Variants in PUS1 observed in about 807,000 individuals in gnomAD.
The protein encoded by PUS1 is pseudouridylate synthase 1 homolog.
In PUS1, 25 loss-of-function variants were observed where a neutral mutation model predicts 38.5. That is an observed-to-expected ratio of 0.65 (90% CI 0.47 to 0.91). The LOEUF (loss-of-function observed/expected upper bound fraction) is 0.91, where lower values mean the gene tolerates loss of function less well. Ranked by LOEUF, PUS1 falls within the 40% of genes least tolerant of loss-of-function variation. The probability of loss-of-function intolerance (pLI) is 0.00; values close to 1 mark genes in which losing one functional copy is unlikely to be tolerated. For missense variants in PUS1, 597 were observed against 612.3 expected, an observed-to-expected ratio of 0.97 and a Z score of 0.26; for synonymous variants, 282 against 260.4, an observed-to-expected ratio of 1.08 and a Z score of -0.80.
Position 131,939,173 on chromosome 12 carries a change from G to A in PUS1, c.442G>A (p.Gly148Ser), listed in dbSNP as rs1156775010. 1 of 1,554,986 alleles carries A rather than the reference G, an allele frequency of 6.4e-7. No individual in the cohort carries two copies. Among genetic ancestry groups the A allele is most frequent in the Non-Finnish European group, 8.7e-7 (1 of 1,148,172 alleles). Residue 148 changes from glycine (G) to serine (S), a missense_variant and splice_region_variant, in exon 4 of 6, where the codon GGT becomes AGT. Transcript: ENST00000376649. ...SFQRCARTDK[G>S]VSAAGQVVSL... ...GTCACCCGTTCTGCTTTGTTTACAG[G>A]GTGTGTCCGCAGCCGGCCAGGTGGT...
chr12:131,941,236 TG>T lies in PUS1; in HGVS notation c.545-54del. On this transcript the variant is annotated intron_variant, in intron 4 of 5. Transcript: ENST00000376649. This position sits in a 1 kb window ranked among gnomAD's most constrained non-coding sequence, Gnocchi z 4.4. Reference sequence around the variant, plus strand: ...CTCACGCCGTGCTCAGGCTGCTCCCTGGTCATCCAGGCACTTCTCACCTGCC... The same window carrying T: ...CTCACGCCGTGCTCAGGCTGCTCCCTGTCATCCAGGCACTTCTCACCTGCC... 1 of 1,496,192 alleles carries T rather than the reference TG, an allele frequency of 6.7e-7. No individual in the cohort carries two copies. The highest frequency in any genetic ancestry group is 9.3e-7 in the Non-Finnish European group (1 of 1,077,372). 92.7% of individuals were successfully genotyped at this position (1,496,192 alleles called of 1,614,324 possible). A position where few individuals can be genotyped will look rare whatever the true frequency, so the allele number is the denominator to read the frequency against.
intron 3 of PUS1, among the ~76,000 whole-genome samples, chr12:131,934,206 C>T (rs1890728178): frequency 6.6e-6 from 1 of 152,230 alleles, no homozygotes; most frequent in African/African-American, 2.4e-5. Context: ...CGTTGAAGCA[C>T]CACAGGGAGC....
In PUS1 at chr12:131,939,214, G is replaced by T; in HGVS notation, c.483G>T (p.Trp161Cys). 6.4e-7 allele frequency: 1 copy of T among 1,562,246 alleles called. No individual in the cohort carries two copies. Among genetic ancestry groups the T allele is most frequent in the Non-Finnish European group, 8.7e-7 (1 of 1,151,742 alleles). Residue 161 changes from tryptophan (W) to cysteine (C), a missense_variant, in exon 4 of 6, where the codon TGG becomes TGT. Trp to Cys is a radical substitution (Grantham distance 215). Transcript: ENST00000376649. ...GCCAGGTGGTATCCCTGAAGGTGTGGCTGATTGACGACATTCTAGAAAAGA... is the reference window on the plus strand; with the variant it reads ...GCCAGGTGGTATCCCTGAAGGTGTGTCTGATTGACGACATTCTAGAAAAGA... ...AAGQVVSLKV[W>C]LIDDILEKIN...
At position 131,944,728 on chromosome 12, in the gene PUS1, G is replaced by C. The variant is rs1048892625; in HGVS notation, c.*1142G>C. 2 of 153,024 alleles carry C rather than the reference G, an allele frequency of 1.3e-5. No individual in the cohort carries two copies. Among genetic ancestry groups the C allele is most frequent in the African/African-American group, 4.8e-5 (2 of 41,476 alleles). 9.5% of individuals were successfully genotyped at this position (153,024 alleles called of 1,614,324 possible). ...TCAGCACTGTCCCGGTGCCAGGCAG[G>C]TGGGGGTTGGGGCAGAGGGCAGAAG... is the stretch of plus-strand genomic sequence containing the variant. On this transcript the variant is annotated 3_prime_UTR_variant, in exon 6 of 6. Coordinates refer to ENST00000376649, the MANE Select transcript of PUS1 (RefSeq NM_025215.6).
At position 131,939,360 on chromosome 12, in the gene PUS1, CA is replaced by C. The variant is rs563524231; in HGVS notation, c.544+87del. The C allele has an allele frequency of 7.5e-4, 678 of 901,830 alleles. 14 individuals are homozygous for C. The highest frequency in any genetic ancestry group is 7.1e-3 in the South Asian group (505 of 70,998). The allele number at this position is 901,830 out of a possible 1,614,324, so 55.9% of individuals were successfully genotyped here. On this transcript the variant is annotated intron_variant, in intron 4 of 5. Transcript: ENST00000376649. The stretch of plus-strand genomic sequence containing the variant: ...AGGCTATGCATGCTCCTGCCTTTTC[CA>C]ACTGTCTCTGATGCAGAAGCGTAGT...
Position 131,929,384 on chromosome 12 carries a change from A to C in PUS1, c.-339A>C. 3.3e-6 allele frequency: 1 copy of C among 299,560 alleles called. No homozygotes were observed. The highest frequency in any genetic ancestry group is 1.1e-4 in the South Asian group (1 of 9,362). The allele number at this position is 299,560 out of a possible 1,614,324, so 18.6% of individuals were successfully genotyped here. A position where few individuals can be genotyped will look rare whatever the true frequency, so the allele number is the denominator to read the frequency against. Reference sequence around the variant, plus strand: ...AGCCCACCGGGCGGGGCGGGAGGTGAAGAGGCTGGGGAAGTCAGAGGTTAA... The same window carrying C: ...AGCCCACCGGGCGGGGCGGGAGGTGCAGAGGCTGGGGAAGTCAGAGGTTAA... On this transcript the variant is annotated 5_prime_UTR_variant, in exon 1 of 6. Coordinates refer to ENST00000376649, the MANE Select transcript of PUS1 (RefSeq NM_025215.6).
At chr12:131,932,441 G>A (rs1010499386) in intron 3 of PUS1, 129 bp downstream of exon 3, 9 of 1,128,712 alleles carry the variant, frequency 8.0e-6, no homozygotes, top group African/African-American at 7.7e-5. Flanking sequence ...ACTAGCCTAC[G>A]CCTTATGTAG....
At chr12:131,933,175 A>G (rs990285644) in intron 3 of PUS1, among the ~76,000 whole-genome samples, 11 of 144,470 alleles carry the variant, frequency 7.6e-5, no homozygotes, top group Admixed American at 3.5e-4. Flanking sequence ...AATGACAGGC[A>G]CTCCACCATG....
At position 131,932,065 on chromosome 12, in the gene PUS1, C is replaced by G. The variant is rs1052014029; in HGVS notation, c.304-110C>G. The G allele has an allele frequency of 4.3e-6, 4 of 926,072 alleles. No individual in the cohort carries two copies. The African/African-American group carries it at 6.5e-5, about 15-fold the overall frequency. The allele number at this position is 926,072 out of a possible 1,614,324, so 57.4% of individuals were successfully genotyped here. A position where few individuals can be genotyped will look rare whatever the true frequency, so the allele number is the denominator to read the frequency against. ...GCAGCTCACACTTGTAATCTCAGCA[C>G]TTCAGGAGGCCAGAGGAGTAAGCGG... On this transcript the variant is annotated intron_variant, in intron 2 of 5. Transcript: ENST00000376649.
rs773571665 is a variant in PUS1, at chr12:131,929,989, G to A, written c.157G>A (p.Ala53Thr). 25 of 1,486,974 alleles carry A rather than the reference G, an allele frequency of 1.7e-5. No homozygotes were observed. The highest frequency in any genetic ancestry group is 1.9e-5 in the Non-Finnish European group (21 of 1,129,726). 92.1% of individuals were successfully genotyped at this position (1,486,974 alleles called of 1,614,324 possible). Residue 53 changes from alanine to threonine, a missense_variant, in exon 2 of 6, where the codon GCC (alanine) becomes ACC (threonine). Coordinates refer to ENST00000376649, the MANE Select transcript of PUS1 (RefSeq NM_025215.6). ...PQDRRSCSGR[A>T]GGDRVWEDGE... Reference sequence around the variant, plus strand: ...GGACCGGAGGTCCTGCAGCGGCCGGGCCGGGGGCGACCGCGTCTGGGAGGA... The same window carrying A: ...GGACCGGAGGTCCTGCAGCGGCCGGACCGGGGGCGACCGCGTCTGGGAGGA...
In PUS1 at chr12:131,945,519, C is replaced by T. The variant is rs144733725; in HGVS notation, c.*1933C>T. ...TTTTTTATTTTTATTTTGTTTGAGACGGAGTCTCGCTGTGTTGCCCAGCCT... is the reference window on the plus strand; with the variant it reads ...TTTTTTATTTTTATTTTGTTTGAGATGGAGTCTCGCTGTGTTGCCCAGCCT... On this transcript the variant is annotated 3_prime_UTR_variant, in exon 6 of 6. Coordinates refer to ENST00000376649, the MANE Select transcript of PUS1 (RefSeq NM_025215.6). 1,305 of 152,354 alleles carry T rather than the reference C, an allele frequency of 8.6e-3. 14 individuals carry two copies. Among genetic ancestry groups the T allele is most frequent in the African/African-American group, 0.03 (1,248 of 41,550 alleles). The allele number at this position is 152,354 out of a possible 1,614,324, so 9.4% of individuals were successfully genotyped here.
intron 2 of PUS1, among the ~76,000 whole-genome samples, chr12:131,931,353 T>A (rs1890593904): frequency 6.6e-6 from 1 of 152,042 alleles, no homozygotes; most frequent in African/African-American, 2.4e-5. Context: ...GAGACGGGGT[T>A]TCACCATGTT....
chr12:131,932,654 TTGTGTGG>T (rs1890657463), intron 3 of PUS1: 2 of 445,994 alleles, frequency 4.5e-6, no homozygotes, highest in East Asian at 9.4e-5. Context: ...GCAGATGTAA[TTGTGTGG>T]CTGCAAAGGC....
chr12:131,934,076 C>G (rs1297172832), intron 3 of PUS1, among the ~76,000 whole-genome samples: 1 of 152,204 alleles, frequency 6.6e-6, no homozygotes, highest in African/African-American at 2.4e-5. Flanking sequence ...CTTCTATGCA[C>G]TTATCAGAAA....
At chr12:131,936,112 G>A (rs1012864827) in intron 3 of PUS1, among the ~76,000 whole-genome samples, 1 of 151,334 alleles carries the variant, frequency 6.6e-6, no homozygotes, top group African/African-American at 2.4e-5. Context: ...TCAGGAGGCC[G>A]AGGCAGGAGA....
intron 3 of PUS1, among the ~76,000 whole-genome samples, chr12:131,935,847 G>T (rs961567825): frequency 4.0e-5 from 6 of 151,774 alleles, no homozygotes; most frequent in Non-Finnish European, 8.8e-5. Context: ...GTTTATTTTT[G>T]TGTGTGTGTA....
chr12:131,936,398 A>G (rs1341211791), intron 3 of PUS1, among the ~76,000 whole-genome samples: 1 of 146,018 alleles, frequency 6.8e-6, no homozygotes, highest in Non-Finnish European at 1.5e-5. Context: ...CCCCGTCTCT[A>G]CTAAAAATAC....
In PUS1 at chr12:131,929,970, GA is replaced by G; in HGVS notation, c.139del (p.Arg47GlyfsTer88). ...PAGAACPQDR[R>X]SCSGRAGGDR... ...CCGGAGCCGCATGCCCCCAGGACCG[GA>G]GGTCCTGCAGCGGCCGGGCCGGGGG... On this transcript the variant is annotated frameshift_variant, in exon 2 of 6. Coordinates refer to ENST00000376649, the MANE Select transcript of PUS1 (RefSeq NM_025215.6). LOFTEE classifies it high-confidence loss of function. 1 of 1,518,124 alleles carries G rather than the reference GA, an allele frequency of 6.6e-7. No individual in the cohort carries two copies. The highest frequency in any genetic ancestry group is 8.7e-7 in the Non-Finnish European group (1 of 1,143,384). 94.0% of individuals were successfully genotyped at this position (1,518,124 alleles called of 1,614,324 possible). A position where few individuals can be genotyped will look rare whatever the true frequency, so the allele number is the denominator to read the frequency against.
At chr12:131,936,280 C>T (rs1162634349) in intron 3 of PUS1, among the ~76,000 whole-genome samples, 1 of 151,078 alleles carries the variant, frequency 6.6e-6, no homozygotes, top group African/African-American at 2.4e-5. Context: ...GTGTACAGTT[C>T]GGGCTGGGCG....
Sources: gnomAD v4.1 joint callset for allele counts (sites outside exome capture counted in the v4.1 genomes callset) on GRCh38, gnomAD v4.1.1 for gene constraint, Gnocchi (gnomAD v3.1) non-coding constraint, MANE v1.5 for transcripts, NCBI Gene and HGNC (gene_info 2026-07-23, HGNC 2026-07-21) for gene names.